The following NKAIN2 variants were observed in gnomAD, a reference collection of about 807,000 sequenced individuals.
NKAIN2 encodes the protein sodium/potassium transporting ATPase interacting 2, also known as sodium/potassium-transporting ATPase subunit beta-1-interacting protein 2.
NKAIN2 carries 14 observed loss-of-function variants against 32.6 expected under a neutral mutation model. The observed-to-expected ratio is 0.43, with a 90% CI of 0.28 to 0.67. The LOEUF (loss-of-function observed/expected upper bound fraction) is 0.67. Ranked by LOEUF, NKAIN2 falls within the 30% of genes least tolerant of loss-of-function variation. The pLI is 0.17. For missense variants in NKAIN2, 198 were observed against 258.3 expected (o/e 0.77, Z 1.60); for synonymous variants, 80 against 87.2 (o/e 0.92, Z 0.46).
At chr6:124,295,641 T>TCTCTGCTATGCC (rs1226856314) in intron 2 of NKAIN2, among the ~76,000 whole-genome samples, 2 of 152,152 alleles carry the variant, frequency 1.3e-5, no homozygotes, top group Non-Finnish European at 2.9e-5. Flanking sequence ...TCATTTGTAA[T>TCTCTGCTATGCC]CTCTGCTATG....
intron 4 of NKAIN2, among the ~76,000 whole-genome samples, chr6:124,734,921 C>T (rs1776863567): frequency 6.6e-6 from 1 of 151,844 alleles, no homozygotes; most frequent in African/African-American, 2.4e-5. Flanking sequence ...AAATACTTCA[C>T]ATGGTGTATT....
intron 5 of NKAIN2, among the ~76,000 whole-genome samples, chr6:124,795,127 T>C (rs1248453317): frequency 1.3e-5 from 2 of 152,194 alleles, no homozygotes; most frequent in Non-Finnish European, 2.9e-5. Context: ...GCTAGCTACC[T>C]GCTTGCCAAA....
chr6:124,027,830 T>C (rs1365690245), intron 1 of NKAIN2, among the ~76,000 whole-genome samples: 1 of 152,238 alleles, frequency 6.6e-6, no homozygotes, highest in Non-Finnish European at 1.5e-5. Flanking sequence ...ACTGGTCTTA[T>C]ATCCATTCTT....
chr6:124,151,021 A>G (rs1787688512), intron 1 of NKAIN2, among the ~76,000 whole-genome samples: 1 of 152,070 alleles, frequency 6.6e-6, no homozygotes, highest in African/African-American at 2.4e-5. Flanking sequence ...GCATTATTGA[A>G]TTGAAACTAT....
At chr6:123,814,909 A>C (rs1773628243) in intron 1 of NKAIN2, among the ~76,000 whole-genome samples, 1 of 152,244 alleles carries the variant, frequency 6.6e-6, no homozygotes, top group Non-Finnish European at 1.5e-5. Context: ...CTTAGCCTGC[A>C]GTGCTGTGTT....
chr6:124,053,020 G>T (rs373574966), intron 1 of NKAIN2, among the ~76,000 whole-genome samples: 4 of 151,974 alleles, frequency 2.6e-5, no homozygotes, highest in Non-Finnish European at 1.5e-5. Flanking sequence ...GTGGATGAGG[G>T]AGGAAGAAGT....
At chr6:124,231,757 AC>A (rs1269082296) in intron 1 of NKAIN2, among the ~76,000 whole-genome samples, 2 of 151,640 alleles carry the variant, frequency 1.3e-5, no homozygotes, top group Non-Finnish European at 2.9e-5. Context: ...AGTTCATTAA[AC>A]CTCTTTTTCT....
intron 4 of NKAIN2, among the ~76,000 whole-genome samples, chr6:124,753,083 G>A (rs1777799731): frequency 6.6e-6 from 1 of 152,048 alleles, no homozygotes; most frequent in African/African-American, 2.4e-5. Context: ...TTATCAGTGT[G>A]AAATTCTGTT....
intron 4 of NKAIN2, among the ~76,000 whole-genome samples, chr6:124,674,567 CT>C (rs1562317895): frequency 6.6e-6 from 1 of 151,642 alleles, no homozygotes; most frequent in African/African-American, 2.4e-5. Context: ...GGGTACAAGC[CT>C]TTCATATCAT....
intron 3 of NKAIN2, among the ~76,000 whole-genome samples, chr6:124,604,699 G>A (rs752731888): frequency 4.0e-5 from 6 of 151,796 alleles, no homozygotes; most frequent in Non-Finnish European, 7.4e-5. Flanking sequence ...CAATTAAAAG[G>A]TACTTCTCTA....
chr6:124,307,993 C>T (rs1796574424), intron 2 of NKAIN2, among the ~76,000 whole-genome samples: 1 of 152,024 alleles, frequency 6.6e-6, no homozygotes, highest in Non-Finnish European at 1.5e-5. Flanking sequence ...TTTTATTTTA[C>T]TTTAAGTTCT....
intron 3 of NKAIN2, among the ~76,000 whole-genome samples, chr6:124,484,966 C>A (rs530312498): frequency 6.6e-6 from 1 of 152,192 alleles, no homozygotes; most frequent in East Asian, 1.9e-4. Context: ...AAAAAAAGAG[C>A]CCCTTCTGAG....
chr6:123,979,200 G>C (rs1436485550), intron 1 of NKAIN2, among the ~76,000 whole-genome samples: 1 of 152,008 alleles, frequency 6.6e-6, no homozygotes, highest in East Asian at 1.9e-4. Flanking sequence ...TCTTAAAATA[G>C]CTTATATAAT....
chr6:124,706,753 G>T (rs565927721), intron 4 of NKAIN2, among the ~76,000 whole-genome samples: 1 of 152,100 alleles, frequency 6.6e-6, no homozygotes, highest in East Asian at 1.9e-4. Flanking sequence ...GCTTAATCTG[G>T]CATGTAATGA....
intron 1 of NKAIN2, among the ~76,000 whole-genome samples, chr6:124,057,954 T>G (rs918213667): frequency 1.3e-5 from 2 of 151,864 alleles, no homozygotes; most frequent in African/African-American, 4.8e-5. Flanking sequence ...AAAAAGAAAA[T>G]TAGGTATTTG....
At chr6:124,198,548 G>C (rs1254149512) in intron 1 of NKAIN2, among the ~76,000 whole-genome samples, 1 of 151,750 alleles carries the variant, frequency 6.6e-6, no homozygotes, top group Non-Finnish European at 1.5e-5. Flanking sequence ...AGTTCCAAGA[G>C]TTTCCCACCC....
intron 3 of NKAIN2, among the ~76,000 whole-genome samples, chr6:124,385,473 C>G (rs1181741288): frequency 1.3e-5 from 2 of 152,216 alleles, no homozygotes; most frequent in African/African-American, 4.8e-5. Context: ...ATAACCACCC[C>G]TAGATCTTTT....
At chr6:124,458,955 C>G (rs535572974) in intron 3 of NKAIN2, among the ~76,000 whole-genome samples, 19 of 151,934 alleles carry the variant, frequency 1.3e-4, no homozygotes, top group African/African-American at 4.6e-4. Flanking sequence ...TTCTACAGGT[C>G]CTTGTGACCA....
chr6:124,573,404 G>T, intron 3 of NKAIN2, among the ~76,000 whole-genome samples: 1 of 151,270 alleles, frequency 6.6e-6, no homozygotes, highest in African/African-American at 2.4e-5. Context: ...CCTCTCTCCT[G>T]ATCTTCTCAC....
Sources: allele counts gnomAD v4.1 joint callset (sites outside exome capture counted in the v4.1 genomes callset), GRCh38; gene constraint gnomAD v4.1.1; transcripts MANE v1.5; gene names NCBI Gene and HGNC (gene_info 2026-07-23, HGNC 2026-07-21).